Variants in WNK2 observed in about 807,000 individuals in gnomAD.
WNK2 encodes the protein WNK lysine deficient protein kinase 2.
Under a neutral mutation model 192.1 loss-of-function variants are expected in WNK2, and 67 were observed. That is an observed-to-expected ratio of 0.35 (90% CI 0.29 to 0.43). The LOEUF is 0.43. Ranked by LOEUF, WNK2 falls within the 20% of genes least tolerant of loss-of-function variation. The probability of loss-of-function intolerance (pLI) is 1.00; values close to 1 mark genes in which losing one functional copy is unlikely to be tolerated. For synonymous variants in WNK2, 1,439 were observed against 1,393.9 expected (o/e 1.03, Z -0.72); for missense variants, 2,698 against 3,089.7 (o/e 0.87, Z 3.01).
At chr9:93,254,751 C>T (rs961429054) in intron 9 of WNK2, among the ~76,000 whole-genome samples, 1 of 152,050 alleles carries the variant, frequency 6.6e-6, no homozygotes, top group Non-Finnish European at 1.5e-5. Flanking sequence ...ATCACTTGAG[C>T]CCAAGAGTTC....
intron 2 of WNK2, among the ~76,000 whole-genome samples, chr9:93,188,840 C>T (rs1829817332): frequency 6.6e-6 from 1 of 152,200 alleles, no homozygotes; most frequent in African/African-American, 2.4e-5. Flanking sequence ...GGTGAGGCCA[C>T]AATACAGCAA....
chr9:93,244,621 G>A (rs375549724), intron 7 of WNK2, among the ~76,000 whole-genome samples: 34 of 152,322 alleles, frequency 2.2e-4, no homozygotes, highest in African/African-American at 7.5e-4. Context: ...TATCTGGGCC[G>A]AGGTGGGCAA....
At chr9:93,281,857 G>C (rs1847787689) in intron 19 of WNK2, among the ~76,000 whole-genome samples, 1 of 152,218 alleles carries the variant, frequency 6.6e-6, no homozygotes, top group Admixed American at 6.5e-5. Flanking sequence ...TGTCCTCGCA[G>C]TGCTGAAGGA....
rs1461969890 is a variant in WNK2 at position 93,247,437 on chromosome 9, C to T, written c.1543-106C>T. On this transcript the variant is annotated intron_variant, in intron 7 of 29. Transcript: ENST00000427277. The surrounding 1 kb of genome is among the most constrained non-coding windows in gnomAD (Gnocchi z 5.2). ...CATTCAGTGGCAGTGGGATGGCGAGCGTGTCCTGCGTGGATGAGCCAGTGA... is the reference window on the plus strand; with the variant it reads ...CATTCAGTGGCAGTGGGATGGCGAGTGTGTCCTGCGTGGATGAGCCAGTGA... 9 of 1,282,852 alleles carry T rather than the reference C, an allele frequency of 7.0e-6. No individual in the cohort carries two copies. The highest frequency in any genetic ancestry group is 2.6e-5 in the East Asian group (1 of 39,090). The allele number at this position is 1,282,852 out of a possible 1,614,324, so 79.5% of individuals were successfully genotyped here. A position where few individuals can be genotyped will look rare whatever the true frequency, so the allele number is the denominator to read the frequency against.
At chr9:93,209,669 T>G (rs910219986) in intron 2 of WNK2, among the ~76,000 whole-genome samples, 4 of 152,054 alleles carry the variant, frequency 2.6e-5, no homozygotes, top group African/African-American at 7.2e-5. Flanking sequence ...AAGGCTGCAA[T>G]GTGGTGGAAG....
At chr9:93,267,620 G>T in intron 16 of WNK2, 126 bp from the exon 17 acceptor site, 1 of 1,138,598 alleles carries the variant, frequency 8.8e-7, no homozygotes, top group Non-Finnish European at 1.2e-6. Context: ...CTGTCTTGGG[G>T]ACTGCACCCT....
chr9:93,297,982 G>C lies in WNK2; in HGVS notation c.5838G>C (p.Arg1946=). 7 of 1,566,132 alleles carry C rather than the reference G, an allele frequency of 4.5e-6. No homozygotes were observed. In the South Asian group the frequency reaches 8.2e-5, roughly 18 times the overall value. Reference sequence around the variant, plus strand: ...ACACGGCACCCCCCACTGGCCGCCGGAGAAAAACCAGCAAGAGCAAGCTGA... The same window carrying C: ...ACACGGCACCCCCCACTGGCCGCCGCAGAAAAACCAGCAAGAGCAAGCTGA... The part of the protein sequence containing the change: ...FFHTAPPTGR[R]RKTSKSKLKA... Residue 1946 remains arginine (R), a synonymous_variant, in exon 24 of 30, where the codon CGG becomes CGC. Coordinates refer to ENST00000427277, the MANE Select transcript of WNK2 (RefSeq NM_006648.4).
At chr9:93,292,087 G>A (rs954508717) in intron 21 of WNK2, among the ~76,000 whole-genome samples, 8 of 152,196 alleles carry the variant, frequency 5.3e-5, no homozygotes, top group Non-Finnish European at 8.8e-5. Context: ...ATAGAATGCC[G>A]TGGGGCCAAG....
At chr9:93,205,406 G>A (rs1277270724) in intron 2 of WNK2, among the ~76,000 whole-genome samples, 2 of 152,184 alleles carry the variant, frequency 1.3e-5, no homozygotes, top group African/African-American at 4.8e-5. Context: ...TGGCCCCAGT[G>A]GGTGGAGGCT....
intron 2 of WNK2, among the ~76,000 whole-genome samples, chr9:93,211,713 A>C (rs147969259): frequency 3.3e-5 from 5 of 151,200 alleles, no homozygotes; most frequent in African/African-American, 4.9e-5. Flanking sequence ...TTCACCATTC[A>C]TCTACTCATT....
At chr9:93,203,542 C>T (rs1330570365) in intron 2 of WNK2, among the ~76,000 whole-genome samples, 8 of 152,106 alleles carry the variant, frequency 5.3e-5, no homozygotes, top group African/African-American at 7.2e-5. Flanking sequence ...AGGGGCTGGT[C>T]GTTGAAGGCC....
chr9:93,242,722 G>A (rs1840988577), intron 7 of WNK2, among the ~76,000 whole-genome samples: 1 of 152,238 alleles, frequency 6.6e-6, no homozygotes. Flanking sequence ...ATGGCCTCGA[G>A]GGAGGATGAG....
intron 2 of WNK2, among the ~76,000 whole-genome samples, chr9:93,208,604 C>CTG (rs796121571): frequency 0.1 from 4,854 of 47,476 alleles, 256 homozygotes; most frequent in African/African-American, 0.3. Context: ...TATTCGTGTC[C>CTG]TGTGTGTTCT....
chr9:93,259,203 C>G lies in WNK2; in HGVS notation c.2655C>G (p.Pro885=). 2.5e-6 allele frequency: 4 copies of G among 1,613,106 alleles called. No individual in the cohort carries two copies. The highest frequency in any genetic ancestry group is 3.4e-6 in the Non-Finnish European group (4 of 1,179,768). Reference sequence around the variant, plus strand: ...TGCCAAATGCACCGGCCACTATCCCCCTGCTGGCCGTAGCCCCACCGGGCG... The same window carrying G: ...TGCCAAATGCACCGGCCACTATCCCGCTGCTGGCCGTAGCCCCACCGGGCG... The part of the protein sequence containing the change: ...TIVPNAPATI[P]LLAVAPPGVA... Residue 885 remains proline, a synonymous_variant, in exon 12 of 30, where the codon CCC becomes CCG. Coordinates refer to ENST00000427277, the MANE Select transcript of WNK2 (RefSeq NM_006648.4). This position sits in a 1 kb window ranked among gnomAD's most constrained non-coding sequence, Gnocchi z 4.8.
At chr9:93,298,908 C>T (rs1341940354) in intron 24 of WNK2, among the ~76,000 whole-genome samples, 162 bp from the exon 25 acceptor site, 1 of 152,232 alleles carries the variant, frequency 6.6e-6, no homozygotes, top group African/African-American at 2.4e-5. Flanking sequence ...TGCTCTTCCC[C>T]ATCACTCCTC....
chr9:93,287,501 G>A (rs1848624145), intron 19 of WNK2, among the ~76,000 whole-genome samples: 1 of 152,188 alleles, frequency 6.6e-6, no homozygotes, highest in Non-Finnish European at 1.5e-5. Context: ...AGAGAGGCCA[G>A]GCACCACAGA....
chr9:93,215,738 A>G (rs1835627028), intron 2 of WNK2, among the ~76,000 whole-genome samples: 1 of 152,218 alleles, frequency 6.6e-6, no homozygotes, highest in African/African-American at 2.4e-5. Context: ...CTAATTTTAC[A>G]CTAATTTTAA....
intron 2 of WNK2, among the ~76,000 whole-genome samples, chr9:93,192,886 G>A (rs1830588383): frequency 6.6e-6 from 1 of 152,192 alleles, no homozygotes. Context: ...AGGACAGCTG[G>A]GAGCTGCAGC....
intron 7 of WNK2, among the ~76,000 whole-genome samples, chr9:93,244,948 C>T (rs1384786995): frequency 6.6e-6 from 1 of 152,176 alleles, no homozygotes; most frequent in Non-Finnish European, 1.5e-5. Flanking sequence ...TGGTTTGGGG[C>T]CAGCGGCAAC....
Sources: gnomAD v4.1 joint callset for allele counts (sites outside exome capture counted in the v4.1 genomes callset) on GRCh38, gnomAD v4.1.1 for gene constraint, Gnocchi (gnomAD v3.1) non-coding constraint, MANE v1.5 for transcripts, NCBI Gene and HGNC (gene_info 2026-07-23, HGNC 2026-07-21) for gene names.